Variants in TTC27 observed in about 807,000 individuals in gnomAD.
TTC27 encodes tetratricopeptide repeat protein 27.
A neutral mutation model predicts 115.9 loss-of-function variants in TTC27; 79 were observed. The ratio of observed to expected loss-of-function variants is 0.68; its 90% confidence interval spans 0.57 to 0.82. The LOEUF (loss-of-function observed/expected upper bound fraction) is 0.82. Ranked by LOEUF, TTC27 falls within the 40% of genes least tolerant of loss-of-function variation. TTC27 has a pLI of 0.00. For synonymous variants in TTC27, 401 were observed against 356.0 expected (o/e 1.13, Z -1.42); for missense variants, 1,054 against 993.1 (o/e 1.06, Z -0.82).
chr2:32,760,171 A>G (rs964065260), intron 13 of TTC27, among the ~76,000 whole-genome samples: 1 of 152,216 alleles, frequency 6.6e-6, no homozygotes, highest in Non-Finnish European at 1.5e-5. Context: ...TACTTTCCGA[A>G]CTCTGAATGG....
chr2:32,692,036 GTTTTTT>G (rs779547700), intron 9 of TTC27, among the ~76,000 whole-genome samples: 31 of 61,210 alleles, frequency 5.1e-4, no homozygotes, highest in South Asian at 1.8e-3. Context: ...AATTTTTTAG[GTTTTTT>G]TTTTTTTTTT....
At chr2:32,762,442 C>G (rs1669473038) in intron 13 of TTC27, among the ~76,000 whole-genome samples, 2 of 151,990 alleles carry the variant, frequency 1.3e-5, no homozygotes, top group African/African-American at 4.8e-5. Flanking sequence ...CAATGTGAGG[C>G]TAAACCGTTG....
chr2:32,694,404 C>T (rs1350979185), intron 9 of TTC27, among the ~76,000 whole-genome samples: 2 of 152,066 alleles, frequency 1.3e-5, no homozygotes, highest in African/African-American at 2.4e-5. Context: ...CTGGATGCTT[C>T]ATGCAAAATA....
At position 32,654,981 on chromosome 2, in the gene TTC27, C is replaced by T. The variant is rs560766663; in HGVS notation, c.640+4748C>T. On this transcript the variant is annotated intron_variant, in intron 5 of 19. Transcript: ENST00000317907. ...AAAGTGCTTGGATTACAGGCATGAG[C>T]CACTGCGTCTGGCCTTTTTTTTTTT... is the stretch of plus-strand genomic sequence containing the variant. Among the ~76,000 whole-genome samples, 4 of 148,814 alleles carry T rather than the reference C, an allele frequency of 2.7e-5. No individual in the cohort carries two copies. The East Asian group carries it at 7.9e-4, about 30-fold the overall frequency.
At chr2:32,677,156 C>T (rs1274830612) in intron 8 of TTC27, among the ~76,000 whole-genome samples, 1 of 151,794 alleles carries the variant, frequency 6.6e-6, no homozygotes, top group Non-Finnish European at 1.5e-5. Context: ...ATATATAGTC[C>T]TCTGTGATTT....
chr2:32,728,530 T>C (rs7575590), intron 10 of TTC27, among the ~76,000 whole-genome samples: 12,492 of 152,224 alleles, frequency 0.082, 1,001 homozygotes, highest in African/African-American at 0.21. Context: ...TTTGGATTTA[T>C]GTGTAAATAA....
chr2:32,653,650 C>G lies in TTC27; in HGVS notation c.640+3417C>G, dbSNP rs773802864. ...TTGGTGACTGATGCATACGTGCGTA[C>G]GTTGATTTCTTTTCATAAATTTGAT... On this transcript the variant is annotated intron_variant, in intron 5 of 19. Transcript: ENST00000317907. Among the ~76,000 whole-genome samples, 4 of 150,306 alleles carry G rather than the reference C, an allele frequency of 2.7e-5. No individual in the cohort carries two copies. The South Asian group carries it at 8.4e-4, about 32-fold the overall frequency.
chr2:32,774,571 A>G (rs1007425930), intron 13 of TTC27, among the ~76,000 whole-genome samples: 1 of 152,206 alleles, frequency 6.6e-6, no homozygotes, highest in Non-Finnish European at 1.5e-5. Flanking sequence ...CCAAACATAT[A>G]CAACTATGTT....
chr2:32,810,963 CTTTGTT>C, intron 16 of TTC27, 55 bp from the exon 17 acceptor site: 1 of 1,556,584 alleles, frequency 6.4e-7, no homozygotes, highest in South Asian at 1.1e-5. Flanking sequence ...TGAGATAGCT[CTTTGTT>C]TTTGTTATTG....
chr2:32,787,457 G>A (rs1670388342), intron 16 of TTC27, among the ~76,000 whole-genome samples: 1 of 152,080 alleles, frequency 6.6e-6, no homozygotes, highest in Admixed American at 6.5e-5. Flanking sequence ...AGTACTTTGG[G>A]TATCTCTGTG....
intron 13 of TTC27, among the ~76,000 whole-genome samples, chr2:32,770,219 C>T (rs1380197385): frequency 1.3e-5 from 2 of 152,246 alleles, no homozygotes; most frequent in East Asian, 3.9e-4. Flanking sequence ...TACTCAGTGC[C>T]AGGTACTGTT....
At chr2:32,706,170 C>T (rs922860379) in intron 10 of TTC27, among the ~76,000 whole-genome samples, 1 of 139,888 alleles carries the variant, frequency 7.1e-6, no homozygotes, top group African/African-American at 2.7e-5. Context: ...GCAACCTCTG[C>T]TCCCTGGGTT....
At chr2:32,773,943 G>C (rs1023702414) in intron 13 of TTC27, among the ~76,000 whole-genome samples, 3 of 152,166 alleles carry the variant, frequency 2.0e-5, no homozygotes, top group African/African-American at 7.2e-5. Flanking sequence ...AGCCATGTGT[G>C]ACAATGGACA....
At chr2:32,694,977 C>A (rs922112148) in intron 9 of TTC27, among the ~76,000 whole-genome samples, 1 of 152,020 alleles carries the variant, frequency 6.6e-6, no homozygotes, top group Non-Finnish European at 1.5e-5. Flanking sequence ...CTACGGCCAG[C>A]CTGCTCTGTC....
chr2:32,773,000 T>C (rs893254053), intron 13 of TTC27, among the ~76,000 whole-genome samples: 1 of 152,178 alleles, frequency 6.6e-6, no homozygotes, highest in Admixed American at 6.5e-5. Context: ...CTTTCTCCTC[T>C]ATCACACTCT....
chr2:32,744,166 C>G (rs1228818751), intron 12 of TTC27, among the ~76,000 whole-genome samples: 1 of 152,298 alleles, frequency 6.6e-6, no homozygotes, highest in Non-Finnish European at 1.5e-5. Flanking sequence ...CTATGTGGCT[C>G]TCATATTTAC....
chr2:32,730,621 A>ATTTTTTTTT (rs10712292), intron 10 of TTC27, among the ~76,000 whole-genome samples: 4 of 137,834 alleles, frequency 2.9e-5, no homozygotes, highest in African/African-American at 2.7e-5. Context: ...AGACTTTCTT[A>ATTTTTTTTT]TTTTTTTTTT....
intron 10 of TTC27, among the ~76,000 whole-genome samples, chr2:32,703,344 G>A (rs1667256500): frequency 2.0e-5 from 3 of 152,176 alleles, no homozygotes; most frequent in Admixed American, 2.0e-4. Flanking sequence ...GTGGGTGCCT[G>A]TAATCCCAGC....
At chr2:32,769,476 A>G (rs535661044) in intron 13 of TTC27, among the ~76,000 whole-genome samples, 36 of 152,292 alleles carry the variant, frequency 2.4e-4, no homozygotes, top group Admixed American at 3.9e-4. Context: ...ACAAATGTAG[A>G]GTGTTGTACT....
Sources: allele counts gnomAD v4.1 joint callset (sites outside exome capture counted in the v4.1 genomes callset), GRCh38; gene constraint gnomAD v4.1.1; transcripts MANE v1.5; gene names NCBI Gene and HGNC (gene_info 2026-07-23, HGNC 2026-07-21).